Variants in MORN1 observed in about 807,000 individuals in gnomAD.
The protein encoded by MORN1 is MORN repeat-containing protein 1.
Under a neutral mutation model 61.9 loss-of-function variants are expected in MORN1, and 67 were observed. The ratio of observed to expected loss-of-function variants is 1.08; its 90% CI spans 0.89 to 1.33. The LOEUF (loss-of-function observed/expected upper bound fraction) is 1.33. Among genes scored for constraint, MORN1 ranks in the 40% most tolerant of loss-of-function variants. The pLI, the probability that MORN1 is intolerant of heterozygous loss-of-function variation, is 0.00. For synonymous variants in MORN1, 301 were observed against 292.0 expected, an observed-to-expected ratio of 1.03 and a Z score of -0.31; for missense variants, 752 against 691.2, an observed-to-expected ratio of 1.09 and a Z score of -0.99.
intron 12 of MORN1, chr1:2,326,260 C>T (rs1474947167): frequency 6.6e-6 from 1 of 152,132 alleles, no homozygotes; most frequent in East Asian, 1.9e-4. Context: ...TTTGCCGGAC[C>T]CCAGGACCCA....
rs1347846900 is a variant in MORN1, at chr1:2,334,595, C to T, written c.1250+1874G>A. On this transcript the variant is annotated intron_variant, in intron 12 of 13. Transcript: ENST00000378531. The surrounding 1 kb of genome is among the most constrained non-coding windows in gnomAD (Gnocchi z 5.4). ...GACGAGAGGGCCCTGGCTGTGTGGC[C>T]GTGGAGCCGGCAGGAGGCAGGGGAA... 3.3e-5 allele frequency among the ~76,000 whole-genome samples: 5 copies of T among 152,260 alleles called. No homozygotes were observed. The highest frequency in any genetic ancestry group is 4.8e-5 in the African/African-American group (2 of 41,558).
At position 2,330,655 on chromosome 1, in the gene MORN1, T is replaced by G. The variant is rs949496377; in HGVS notation, c.1250+5814A>C. On this transcript the variant is annotated intron_variant, in intron 12 of 13. Transcript: ENST00000378531. ...CAGAAGTCTTAATTAAGCCCATTTTTCTCGGAGCCGAGGAGGGAGGAGGAG... is the reference window on the plus strand; with the variant it reads ...CAGAAGTCTTAATTAAGCCCATTTTGCTCGGAGCCGAGGAGGGAGGAGGAG... Among the ~76,000 whole-genome samples, 74 of 152,224 alleles carry G rather than the reference T, an allele frequency of 4.9e-4. 1 individual carries two copies. The highest frequency in any genetic ancestry group is 2.9e-5 in the Non-Finnish European group (2 of 68,040).
Position 2,387,524 on chromosome 1 carries a change from T to C in MORN1, c.253A>G (p.Thr85Ala), listed in dbSNP as rs1642533824. The change falls in exon 4 of 14, where the codon ACC (threonine) becomes GCC (alanine). Residue 85 changes from threonine (T) to alanine (A), a missense_variant. Transcript: ENST00000378531. ...CCCAGAACAAACTGTCCAGAGAAGG[T>C]GTCTCCTGCATGTGGACAAGGAGGA... Reference protein sequence around the residue: ...GRRHWAWSGDTFSGQFVLGEP... With the variant: ...GRRHWAWSGDAFSGQFVLGEP... 6.2e-7 allele frequency: 1 copy of C among 1,610,528 alleles called. No individual in the cohort carries two copies. The highest frequency in any genetic ancestry group is 8.5e-7 in the Non-Finnish European group (1 of 1,178,926).
intron 10 of MORN1, chr1:2,355,497 C>A: frequency 6.5e-7 from 1 of 1,549,874 alleles, no homozygotes; most frequent in Non-Finnish European, 8.7e-7. Context: ...CTCTGAGGCT[C>A]TGGGGCTTCT....
intron 8 of MORN1, among the ~76,000 whole-genome samples, chr1:2,366,488 TA>T (rs148529455): frequency 0.04 from 5,960 of 150,662 alleles, 370 homozygotes; most frequent in African/African-American, 0.13. Context: ...ATAATAAAAT[TA>T]AAAAAAAAAT....
intron 10 of MORN1, among the ~76,000 whole-genome samples, chr1:2,353,199 G>A (rs756671727): frequency 9.9e-5 from 15 of 152,270 alleles, no homozygotes; most frequent in African/African-American, 2.9e-4. Context: ...AAGGGACTTC[G>A]GTTTCGTTTT....
In MORN1 at chr1:2,372,651, G is replaced by T; in HGVS notation, c.635-60C>A. The T allele has an allele frequency of 1.5e-6, 2 of 1,375,654 alleles. No homozygotes were observed. The highest frequency in any genetic ancestry group is 2.4e-5 in the East Asian group (1 of 42,440). 85.2% of individuals were successfully genotyped at this position (1,375,654 alleles called of 1,614,324 possible). On this transcript the variant is annotated intron_variant, in intron 7 of 13. Coordinates refer to ENST00000378531, the MANE Select transcript of MORN1 (RefSeq NM_024848.3). This position sits in a 1 kb window ranked among gnomAD's most constrained non-coding sequence, Gnocchi z 5.4. ...TGGCATGGTCCCCCACCCACCCCAT[G>T]GCTGAGTCAGCAGTGGGCACCCCAG... is the stretch of plus-strand genomic sequence containing the variant.
Position 2,351,922 on chromosome 1 carries a change from G to C in MORN1, c.1036+5510C>G, listed in dbSNP as rs1009188959. On this transcript the variant is annotated intron_variant, in intron 10 of 13. Transcript: ENST00000378531. ...CTTGGAGCTTCTGAACCTGGTATGAGGCCACCCACGGGCCCACCAATTGGG... is the reference window on the plus strand; with the variant it reads ...CTTGGAGCTTCTGAACCTGGTATGACGCCACCCACGGGCCCACCAATTGGG... The C allele has an allele frequency of 9.7e-6, 5 of 516,798 alleles. No homozygotes were observed. In the Admixed American group the frequency reaches 1.1e-4, roughly 11 times the overall value. The allele number at this position is 516,798 out of a possible 1,614,324, so 32.0% of individuals were successfully genotyped here.
chr1:2,336,425 A>C, intron 12 of MORN1, 44 bp downstream of exon 12: 2 of 1,589,846 alleles, frequency 1.3e-6, no homozygotes, highest in Non-Finnish European at 1.7e-6. Context: ...AGGAGGCCAC[A>C]GCTGACCCTC....
chr1:2,356,591 C>T (rs1026068609), intron 10 of MORN1, among the ~76,000 whole-genome samples: 1 of 152,192 alleles, frequency 6.6e-6, no homozygotes, highest in African/African-American at 2.4e-5. Flanking sequence ...GGGACCCCCA[C>T]GCCCGACCCC....
chr1:2,347,040 G>C (rs539059188), intron 10 of MORN1, among the ~76,000 whole-genome samples: 1 of 152,270 alleles, frequency 6.6e-6, no homozygotes, highest in Admixed American at 6.5e-5. Context: ...TGGGACATGG[G>C]GACTCTTGGG....
chr1:2,346,854 G>C (rs79985501), intron 10 of MORN1, among the ~76,000 whole-genome samples: 6,083 of 152,252 alleles, frequency 0.04, 400 homozygotes, highest in African/African-American at 0.13. Context: ...CTGCCCTGGG[G>C]AGCAGGAGCT....
intron 13 of MORN1, chr1:2,322,189 G>A: frequency 2.0e-6 from 2 of 985,406 alleles, no homozygotes; most frequent in Non-Finnish European, 2.4e-6. Flanking sequence ...ACTGTCTGGA[G>A]AGCTTCAAAG....
intron 8 of MORN1, among the ~76,000 whole-genome samples, chr1:2,369,815 C>T (rs1406706165): frequency 4.6e-5 from 7 of 152,100 alleles, no homozygotes; most frequent in African/African-American, 9.7e-5. Context: ...AGGAACAAGA[C>T]GCTGGTGATA....
intron 13 of MORN1, chr1:2,323,840 A>G (rs1177263925): frequency 3.0e-6 from 3 of 984,838 alleles, no homozygotes; most frequent in Non-Finnish European, 3.6e-6. Context: ...CCTCCTTTCT[A>G]GGACATTCCC....
chr1:2,359,814 C>T (rs145112946), intron 8 of MORN1, among the ~76,000 whole-genome samples: 2,379 of 151,486 alleles, frequency 0.016, 56 homozygotes, highest in African/African-American at 0.055. Flanking sequence ...ACCCAGGAGG[C>T]GCAGGCTGCA....
intron 1 of MORN1, chr1:2,390,615 A>AG (rs1462895128): frequency 1.0e-6 from 1 of 985,240 alleles, no homozygotes; most frequent in Non-Finnish European, 1.2e-6. Flanking sequence ...GTCGGGGAGG[A>AG]GGGCAGGGGG....
At chr1:2,322,664 CGGAG>C in intron 13 of MORN1, 3 of 985,462 alleles carry the variant, frequency 3.0e-6, no homozygotes, top group Non-Finnish European at 3.6e-6. Context: ...CCCTGGCGGG[CGGAG>C]GAAGAGCCCC....
At chr1:2,341,598 C>T (rs887926130) in intron 10 of MORN1, among the ~76,000 whole-genome samples, 2 of 150,726 alleles carry the variant, frequency 1.3e-5, no homozygotes, top group South Asian at 2.1e-4. Context: ...GGCTGAGGCA[C>T]GAGAATCGCT....
Sources: gnomAD v4.1 joint callset for allele counts (sites outside exome capture counted in the v4.1 genomes callset) on GRCh38, gnomAD v4.1.1 for gene constraint, Gnocchi (gnomAD v3.1) non-coding constraint, MANE v1.5 for transcripts, NCBI Gene and HGNC (gene_info 2026-07-23, HGNC 2026-07-21) for gene names.